The following OR2L13 variants were observed in gnomAD, a reference collection of about 807,000 sequenced individuals.
OR2L13 encodes olfactory receptor 2L13.
Under a neutral mutation model 15.3 loss-of-function variants are expected in OR2L13, and 14 were observed. The observed-to-expected ratio is 0.91, with a 90% confidence interval of 0.60 to 1.43. The LOEUF (loss-of-function observed/expected upper bound fraction) is 1.43. Among genes scored for constraint, OR2L13 ranks in the 40% most tolerant of loss-of-function variants. OR2L13 has a pLI of 0.00. For synonymous variants in OR2L13, 152 were observed against 142.9 expected (o/e 1.06, Z -0.45); for missense variants, 367 against 387.9 (o/e 0.95, Z 0.45).
chr1:247,969,004 CTGT>C, the OR2L13 span, among the ~76,000 whole-genome samples: 1 of 152,144 alleles, frequency 6.6e-6, no homozygotes, highest in Admixed American at 6.5e-5. Flanking sequence ...TCTCCAACAT[CTGT>C]TGTTTCCTGA....
At chr1:248,006,303 G>A in the OR2L13 span, among the ~76,000 whole-genome samples, 5 of 150,540 alleles carry the variant, frequency 3.3e-5, no homozygotes, top group African/African-American at 1.2e-4. Context: ...GCATAAGAAC[G>A]CCAGGCCAGT....
the OR2L13 span, chr1:248,038,164 G>A: frequency 1.3e-6 from 1 of 770,936 alleles, no homozygotes; most frequent in Admixed American, 2.5e-5. Context: ...CCAGTTTCAG[G>A]CATCCACTGG....
the OR2L13 span, among the ~76,000 whole-genome samples, chr1:248,030,535 G>T: frequency 6.6e-6 from 1 of 152,148 alleles, no homozygotes; most frequent in African/African-American, 2.4e-5. Context: ...TGAAATTAAA[G>T]AACCCACATT....
At chr1:248,001,752 C>A in the OR2L13 span, among the ~76,000 whole-genome samples, 2 of 151,706 alleles carry the variant, frequency 1.3e-5, no homozygotes, top group East Asian at 3.9e-4. Context: ...ATATTAAAAC[C>A]CTGGAACATG....
At chr1:247,960,926 A>G in the OR2L13 span, among the ~76,000 whole-genome samples, 1 of 152,096 alleles carries the variant, frequency 6.6e-6, no homozygotes, top group Non-Finnish European at 1.5e-5. Context: ...GCTCACGCTC[A>G]GTGTGCTGCA....
the OR2L13 span, chr1:247,966,059 T>A: frequency 1.2e-6 from 2 of 1,614,184 alleles, no homozygotes; most frequent in East Asian, 2.2e-5. Flanking sequence ...GTATTCCAGA[T>A]GAGCTCAGGA....
chr1:248,069,552 A>G, the OR2L13 span, among the ~76,000 whole-genome samples: 2 of 152,222 alleles, frequency 1.3e-5, no homozygotes, highest in Non-Finnish European at 2.9e-5. Context: ...GATGCTAGGA[A>G]GAAACCGCAT....
At chr1:248,093,406 C>T (rs79316260), upstream of OR2L13, among the ~76,000 whole-genome samples, 3,137 of 152,220 alleles carry the variant, frequency 0.021, 109 homozygotes, top group African/African-American at 0.071. Flanking sequence ...CTTACAGGGA[C>T]GGTAACAGGC....
the OR2L13 span, among the ~76,000 whole-genome samples, chr1:247,956,259 T>G: frequency 6.6e-6 from 1 of 152,190 alleles, no homozygotes; most frequent in South Asian, 2.1e-4. Flanking sequence ...GTTGTAGATA[T>G]GCGGCATTAT....
chr1:248,033,359 T>C, the OR2L13 span, among the ~76,000 whole-genome samples: 1 of 152,300 alleles, frequency 6.6e-6, no homozygotes, highest in Middle Eastern at 3.4e-3. Flanking sequence ...TGAGTAAACT[T>C]GGTTTGCTTG....
chr1:248,013,800 AGCGC>A, the OR2L13 span: 45 of 152,174 alleles, frequency 3.0e-4, 2 homozygotes, highest in Non-Finnish European at 1.2e-4. Context: ...GACTCTGGCA[AGCGC>A]TTAAGAGAAC....
At chr1:248,010,562 G>C in the OR2L13 span, among the ~76,000 whole-genome samples, 1 of 152,004 alleles carries the variant, frequency 6.6e-6, no homozygotes, top group Non-Finnish European at 1.5e-5. Flanking sequence ...GGGAGTCTAA[G>C]TCTCTTTGTA....
At chr1:247,998,379 A>T in the OR2L13 span, among the ~76,000 whole-genome samples, 5 of 152,144 alleles carry the variant, frequency 3.3e-5, no homozygotes, top group African/African-American at 1.2e-4. Context: ...ATTAACCCAC[A>T]TTCACAATAA....
At chr1:247,990,837 T>C in the OR2L13 span, 27 of 1,582,752 alleles carry the variant, frequency 1.7e-5, no homozygotes, top group Non-Finnish European at 2.3e-5. Context: ...CCTGCACGGA[T>C]ACCTGGGTCT....
the OR2L13 span, chr1:248,029,930 C>T: frequency 6.6e-6 from 1 of 152,076 alleles, no homozygotes; most frequent in East Asian, 1.9e-4. Context: ...GAATTAAGGC[C>T]ATCCTCTGTT....
At chr1:248,072,929 G>A in the OR2L13 span, among the ~76,000 whole-genome samples, 1 of 152,054 alleles carries the variant, frequency 6.6e-6, no homozygotes, top group African/African-American at 2.4e-5. Flanking sequence ...CAATGAGATA[G>A]CATCTCACAC....
the OR2L13 span, among the ~76,000 whole-genome samples, chr1:247,967,907 TC>T: frequency 6.6e-6 from 1 of 150,664 alleles, no homozygotes. Flanking sequence ...CTCGTCCTCT[TC>T]CTCTTCTTCT....
chr1:248,016,858 C>G, the OR2L13 span, among the ~76,000 whole-genome samples: 1 of 152,056 alleles, frequency 6.6e-6, no homozygotes, highest in Admixed American at 6.6e-5. Flanking sequence ...TCACTTACAA[C>G]CCCTGAATCT....
At chr1:247,952,330 C>A in the OR2L13 span, among the ~76,000 whole-genome samples, 1 of 152,150 alleles carries the variant, frequency 6.6e-6, no homozygotes, top group Non-Finnish European at 1.5e-5. Context: ...TTTGTATCCT[C>A]TGAAAATCTA....
Sources: gnomAD v4.1 joint callset for allele counts (sites outside exome capture counted in the v4.1 genomes callset) on GRCh38, gnomAD v4.1.1 for gene constraint, MANE v1.5 for transcripts, NCBI Gene and HGNC (gene_info 2026-07-23, HGNC 2026-07-21) for gene names.